The following ADGRA3 variants were observed in gnomAD, a reference collection of about 807,000 sequenced individuals.
ADGRA3 encodes adhesion G protein-coupled receptor A3, also known as G-protein coupled receptor 125.
Under a neutral mutation model 119.8 loss-of-function variants are expected in ADGRA3, and 56 were observed. The observed-to-expected ratio is 0.47, with a 90% CI of 0.38 to 0.58. The LOEUF is 0.58. Among genes scored for constraint, ADGRA3 ranks in the 20% least tolerant of loss-of-function variants. The pLI is 0.00. For missense variants in ADGRA3, 1,516 were observed against 1,649.0 expected, an observed-to-expected ratio of 0.92 and a Z score of 1.40; for synonymous variants, 607 against 623.8, an observed-to-expected ratio of 0.97 and a Z score of 0.40.
intron 10 of ADGRA3, among the ~76,000 whole-genome samples, chr4:22,429,984 C>T (rs1471300912): frequency 6.6e-6 from 1 of 152,104 alleles, no homozygotes; most frequent in Non-Finnish European, 1.5e-5. Context: ...CTTTGTCATG[C>T]TGTTTTTGTG....
At position 22,516,028 on chromosome 4, in the gene ADGRA3, G is replaced by GCCTCCTCCTCCTCCT. The variant is rs534558679; in HGVS notation, c.-259_-245dup. On this transcript the variant is annotated 5_prime_UTR_variant, in exon 1 of 19. Transcript: ENST00000334304. ...CGCTCTACCGCCCGGCGCGAGCACC[G>GCCTCCTCCTCCTCCT]CCTCCTCCTCCTCCTCTGCCGCCGC... 6.4e-6 allele frequency: 1 copy of GCCTCCTCCTCCTCCT among 157,450 alleles called. No individual in the cohort carries two copies. The highest frequency in any genetic ancestry group is 1.7e-4 in the South Asian group (1 of 5,742). The allele number at this position is 157,450 out of a possible 1,614,324, so 9.8% of individuals were successfully genotyped here. A position where few individuals can be genotyped will look rare whatever the true frequency, so the allele number is the denominator to read the frequency against.
chr4:22,436,665 C>G lies in ADGRA3; in HGVS notation c.1086-24G>C, dbSNP rs1304476992. ...ATCTAGAGATGAAGACAAAATAGTA[C>G]AAGAAAATCTAAATGACACGGGTAC... On this transcript the variant is annotated intron_variant, in intron 8 of 18. Coordinates refer to ENST00000334304, the MANE Select transcript of ADGRA3 (RefSeq NM_145290.4). The G allele has an allele frequency of 3.1e-6, 5 of 1,593,852 alleles. No individual in the cohort carries two copies. In the Admixed American group the frequency reaches 6.7e-5, roughly 21 times the overall value.
intron 1 of ADGRA3, among the ~76,000 whole-genome samples, chr4:22,497,055 T>C (rs1434878983): frequency 6.6e-6 from 1 of 152,210 alleles, no homozygotes; most frequent in African/African-American, 2.4e-5. Context: ...TTATAACTTT[T>C]GGGGCGAATC....
At chr4:22,458,936 A>T (rs1717344447) in intron 3 of ADGRA3, among the ~76,000 whole-genome samples, 1 of 152,208 alleles carries the variant, frequency 6.6e-6, no homozygotes, top group African/African-American at 2.4e-5. Context: ...TAAACACAGG[A>T]GACCACCACT....
intron 14 of ADGRA3, among the ~76,000 whole-genome samples, chr4:22,407,299 C>T (rs1007858003): frequency 6.6e-5 from 10 of 151,918 alleles, no homozygotes; most frequent in African/African-American, 2.2e-4. Flanking sequence ...AAAATATTTA[C>T]GGCAATTGAG....
In ADGRA3 at chr4:22,420,986, C is replaced by G; in HGVS notation, c.1709G>C (p.Gly570Ala). The change falls in exon 12 of 19, where the codon GGA becomes GCA. Residue 570 changes from glycine to alanine, a missense_variant. Gly to Ala is a moderately conservative substitution (Grantham distance 60). Around this residue, in one of 2 missense-constraint regions of ADGRA3, gnomAD observed 1,088 missense variants for 1,107.1 expected, o/e 0.98. Transcript: ENST00000334304. ...ATCCCGCCTCCCATAATCCGAAAGT[C>G]CTGTACGATCAGAGGCTGCCACTTT... ...FQKVAASDRT[G>A]LSDYGRRDPE... The G allele has an allele frequency of 6.2e-7, 1 of 1,614,094 alleles. No individual in the cohort carries two copies. The highest frequency in any genetic ancestry group is 8.5e-7 in the Non-Finnish European group (1 of 1,180,002).
At position 22,420,993 on chromosome 4, in the gene ADGRA3, G is replaced by T. The variant is rs375354992; in HGVS notation, c.1702C>A (p.Arg568Ser). ...CTCCCATAATCCGAAAGTCCTGTAC[G>T]ATCAGAGGCTGCCACTTTCTGGAAC... ...TVFQKVAASD[R>S]TGLSDYGRRD... The change falls in exon 12 of 19, where the codon CGT becomes AGT. Residue 568 changes from arginine (R) to serine (S), a missense_variant. Transcript: ENST00000334304. 2 of 1,614,010 alleles carry T rather than the reference G, an allele frequency of 1.2e-6. No homozygotes were observed. The highest frequency in any genetic ancestry group is 1.1e-5 in the South Asian group (1 of 91,080).
intron 2 of ADGRA3, among the ~76,000 whole-genome samples, chr4:22,465,064 T>C (rs1467402892): frequency 6.6e-6 from 1 of 152,170 alleles, no homozygotes; most frequent in Non-Finnish European, 1.5e-5. Context: ...GTGAAAGGTG[T>C]AGACCAGAAG....
At chr4:22,449,113 C>G (rs2109083202) in intron 4 of ADGRA3, among the ~76,000 whole-genome samples, 2 of 151,430 alleles carry the variant, frequency 1.3e-5, no homozygotes, top group African/African-American at 4.8e-5. Context: ...TCTACTAAAA[C>G]TACAAAATTA....
At chr4:22,414,571 TCTC>T in intron 12 of ADGRA3, 1 of 694,426 alleles carries the variant, frequency 1.4e-6, no homozygotes, top group South Asian at 1.5e-5. Flanking sequence ...GCTTCTAACC[TCTC>T]TTCTTCTAAT....
At chr4:22,449,862 T>C (rs10004904) in intron 4 of ADGRA3, among the ~76,000 whole-genome samples, 43,175 of 148,490 alleles carry the variant, frequency 0.29, 9,024 homozygotes, top group African/African-American at 0.59. Context: ...AAAAAAAAAA[T>C]GAATTGCATC....
intron 5 of ADGRA3, among the ~76,000 whole-genome samples, chr4:22,445,889 C>T (rs1371059277): frequency 1.3e-5 from 2 of 152,196 alleles, no homozygotes; most frequent in East Asian, 3.9e-4. Context: ...GAGATATAAG[C>T]ACAAAATCTC....
At chr4:22,467,797 A>C (rs1717713407) in intron 2 of ADGRA3, among the ~76,000 whole-genome samples, 1 of 152,230 alleles carries the variant, frequency 6.6e-6, no homozygotes, top group Non-Finnish European at 1.5e-5. Context: ...CCTAGTAAAC[A>C]GGAGTCTGAC....
At chr4:22,472,318 C>T (rs1717884552) in intron 2 of ADGRA3, among the ~76,000 whole-genome samples, 2 of 152,196 alleles carry the variant, frequency 1.3e-5, no homozygotes, top group Non-Finnish European at 2.9e-5. Flanking sequence ...TCCTCCCAGG[C>T]TTCCTGTCTG....
chr4:22,462,155 CAAAGTA>C (rs1461400153), intron 2 of ADGRA3, among the ~76,000 whole-genome samples: 1 of 152,120 alleles, frequency 6.6e-6, no homozygotes, highest in African/African-American at 2.4e-5. Context: ...CTTTGAATAT[CAAAGTA>C]AATCTAATTA....
chr4:22,443,250 T>G (rs1716694456), intron 6 of ADGRA3: 1 of 491,006 alleles, frequency 2.0e-6, no homozygotes, highest in African/African-American at 2.0e-5. Context: ...ACAACACGAG[T>G]TTTTGGCTGT....
intron 1 of ADGRA3, among the ~76,000 whole-genome samples, chr4:22,498,150 C>T (rs929819138): frequency 6.6e-6 from 1 of 151,522 alleles, no homozygotes; most frequent in Non-Finnish European, 1.5e-5. Flanking sequence ...CTGGGTGGGG[C>T]AGGAGAATTG....
chr4:22,493,467 A>G (rs1334584987), intron 1 of ADGRA3, among the ~76,000 whole-genome samples: 1 of 152,146 alleles, frequency 6.6e-6, no homozygotes, highest in Non-Finnish European at 1.5e-5. Context: ...GTTAGACAAA[A>G]AATAATAATA....
intron 9 of ADGRA3, 80 bp from the exon 10 acceptor site, chr4:22,435,546 A>AT: frequency 8.0e-7 from 1 of 1,246,592 alleles, no homozygotes; most frequent in Non-Finnish European, 1.1e-6. Flanking sequence ...TTAACTTTGC[A>AT]TTTCAAAACA....
Sources: gnomAD v4.1 joint callset for allele counts (sites outside exome capture counted in the v4.1 genomes callset) on GRCh38, gnomAD v4.1.1 for gene constraint, gnomAD v4.1.1 regional missense constraint, MANE v1.5 for transcripts, NCBI Gene and HGNC (gene_info 2026-07-23, HGNC 2026-07-21) for gene names.